The following PBX1 variants were observed in gnomAD, a reference collection of about 807,000 sequenced individuals.
PBX1 encodes pre-B-cell leukemia transcription factor 1.
A neutral mutation model predicts 53.4 loss-of-function variants in PBX1; 6 were observed. The observed-to-expected ratio is 0.11, with a 90% confidence interval of 0.06 to 0.22. The LOEUF is 0.22. Among genes scored for constraint, PBX1 ranks in the 10% least tolerant of loss-of-function variants. PBX1 has a pLI of 1.00. For synonymous variants in PBX1, 204 were observed against 212.3 expected (o/e 0.96, Z 0.34); for missense variants, 251 against 551.4 (o/e 0.46, Z 5.46).
intron 2 of PBX1, among the ~76,000 whole-genome samples, chr1:164,568,061 T>G (rs932434669): frequency 6.6e-6 from 1 of 152,210 alleles, no homozygotes; most frequent in East Asian, 1.9e-4. Flanking sequence ...GTTTTGCCCC[T>G]GCATTCTGTT....
chr1:164,847,276 T>C lies in PBX1; in HGVS notation c.*600T>C. 9.4e-7 allele frequency: 1 copy of C among 1,065,764 alleles called. No homozygotes were observed. Among genetic ancestry groups the C allele is most frequent in the Non-Finnish European group, 1.1e-6 (1 of 879,574 alleles). 66.0% of individuals were successfully genotyped at this position (1,065,764 alleles called of 1,614,324 possible). On this transcript the variant is annotated 3_prime_UTR_variant, in exon 9 of 9. Transcript: ENST00000420696. ...ACTGATTGGAACACTTTCCTCCTCT[T>C]CCTTCCTAGCCCCAGCTATTCACTG...
intron 8 of PBX1, among the ~76,000 whole-genome samples, chr1:164,832,582 A>G (rs1255217191): frequency 6.6e-6 from 1 of 152,210 alleles, no homozygotes; most frequent in Non-Finnish European, 1.5e-5. Flanking sequence ...GTGGATTTTT[A>G]AAGTAAGTTA....
At chr1:164,724,632 T>G (rs1000328473) in intron 2 of PBX1, among the ~76,000 whole-genome samples, 2 of 148,850 alleles carry the variant, frequency 1.3e-5, no homozygotes, top group Non-Finnish European at 3.0e-5. Flanking sequence ...GTCTAATATC[T>G]TATTTTTCTT....
At chr1:164,797,622 G>C (rs905132546) in intron 3 of PBX1, among the ~76,000 whole-genome samples, 5 of 152,060 alleles carry the variant, frequency 3.3e-5, no homozygotes, top group African/African-American at 1.2e-4. Context: ...TAAAAAGGAG[G>C]TATTTATTAC....
At chr1:164,594,325 G>A (rs970689955) in intron 2 of PBX1, among the ~76,000 whole-genome samples, 1 of 152,106 alleles carries the variant, frequency 6.6e-6, no homozygotes, top group African/African-American at 2.4e-5. Context: ...ACGGAGTCTT[G>A]CTTTTGTCGA....
chr1:164,687,724 G>A (rs1187222115), intron 2 of PBX1, among the ~76,000 whole-genome samples: 1 of 152,116 alleles, frequency 6.6e-6, no homozygotes. Flanking sequence ...AGTATTTGAT[G>A]TCTTATTGGC....
intron 2 of PBX1, among the ~76,000 whole-genome samples, chr1:164,612,891 C>A (rs966436612): frequency 1.2e-4 from 18 of 152,222 alleles, no homozygotes; most frequent in African/African-American, 3.6e-4. Context: ...TAACCTTGGA[C>A]AAGTGATTTG....
chr1:164,711,949 C>G (rs74117995), intron 2 of PBX1, among the ~76,000 whole-genome samples: 2 of 152,060 alleles, frequency 1.3e-5, no homozygotes, highest in South Asian at 4.1e-4. Flanking sequence ...TGAATTTTGT[C>G]TGAAGAGTAG....
chr1:164,737,076 C>T (rs1445032022), intron 2 of PBX1, among the ~76,000 whole-genome samples: 2 of 152,230 alleles, frequency 1.3e-5, no homozygotes, highest in Non-Finnish European at 2.9e-5. Context: ...TTCCACCAAA[C>T]AGTGGTGCCT....
intron 2 of PBX1, among the ~76,000 whole-genome samples, chr1:164,870,027 G>A (rs549094584): frequency 3.3e-5 from 5 of 152,234 alleles, no homozygotes; most frequent in East Asian, 3.9e-4. Context: ...CCAGGACTAC[G>A]AATTCTACTC....
chr1:164,754,590 A>T (rs1012157093), intron 2 of PBX1, among the ~76,000 whole-genome samples: 1 of 152,170 alleles, frequency 6.6e-6, no homozygotes, highest in African/African-American at 2.4e-5. Flanking sequence ...TGACTGTGTA[A>T]GGAGAAGGGG....
intron 2 of PBX1, among the ~76,000 whole-genome samples, chr1:164,761,739 G>C (rs1168398692): frequency 1.3e-5 from 2 of 152,102 alleles, no homozygotes; most frequent in Non-Finnish European, 2.9e-5. Context: ...CACCGCGCCC[G>C]GCCCATTGGG....
intron 2 of PBX1, among the ~76,000 whole-genome samples, chr1:164,650,229 C>CTTT (rs1401791742): frequency 7.7e-5 from 10 of 129,714 alleles, no homozygotes; most frequent in Non-Finnish European, 1.6e-4. Flanking sequence ...TTCTTTGCTA[C>CTTT]TTTTTTTTTT....
chr1:164,597,470 A>T (rs1313777012), intron 2 of PBX1, among the ~76,000 whole-genome samples: 1 of 152,182 alleles, frequency 6.6e-6, no homozygotes, highest in African/African-American at 2.4e-5. Context: ...AAATGGAGCT[A>T]TTTGGGGGTG....
chr1:164,667,926 C>T (rs113536619), intron 2 of PBX1, among the ~76,000 whole-genome samples: 5 of 152,258 alleles, frequency 3.3e-5, no homozygotes, highest in African/African-American at 7.2e-5. Flanking sequence ...CAGTGAGCTA[C>T]GGGAGGTCAG....
intron 2 of PBX1, among the ~76,000 whole-genome samples, chr1:164,640,072 C>A (rs1440941050): frequency 6.6e-6 from 1 of 152,100 alleles, no homozygotes; most frequent in Non-Finnish European, 1.5e-5. Context: ...GGAGTCTGAG[C>A]GTTCTAGGTA....
At chr1:164,623,529 T>C (rs1311645195) in intron 2 of PBX1, among the ~76,000 whole-genome samples, 1 of 152,238 alleles carries the variant, frequency 6.6e-6, no homozygotes, top group Non-Finnish European at 1.5e-5. Context: ...AGGTTTCACC[T>C]TTTTACGCCC....
intron 2 of PBX1, among the ~76,000 whole-genome samples, chr1:164,603,960 T>TTTTTTTTTG (rs1656377266): frequency 8.1e-6 from 1 of 124,130 alleles, no homozygotes; most frequent in Admixed American, 8.9e-5. Context: ...TTTTTTTTTT[T>TTTTTTTTTG]TTAGAGATGA....
At chr1:164,885,466 A>C (rs1442035760) in intron 2 of PBX1, among the ~76,000 whole-genome samples, 1 of 152,230 alleles carries the variant, frequency 6.6e-6, no homozygotes, top group Non-Finnish European at 1.5e-5. Flanking sequence ...TGTTCATCCC[A>C]GCAAGTTGCT....
Sources: gnomAD v4.1 joint callset for allele counts (sites outside exome capture counted in the v4.1 genomes callset) on GRCh38, gnomAD v4.1.1 for gene constraint, MANE v1.5 for transcripts, NCBI Gene and HGNC (gene_info 2026-07-23, HGNC 2026-07-21) for gene names.